PCDHA13: variants seen among roughly 807,000 people sequenced by gnomAD.
The protein encoded by PCDHA13 is protocadherin alpha 13, also known as protocadherin alpha-13.
Under a neutral mutation model 64.8 loss-of-function variants are expected in PCDHA13, and 54 were observed. The ratio of observed to expected loss-of-function variants is 0.83; its 90% CI spans 0.67 to 1.04. PCDHA13 has a LOEUF of 1.04. Among genes scored for constraint, PCDHA13 ranks in the 50% least tolerant of loss-of-function variants. The pLI, the probability that PCDHA13 is intolerant of heterozygous loss-of-function variation, is 0.00. For missense variants in PCDHA13, 1,248 were observed against 1,254.3 expected (o/e 0.99, Z 0.08); for synonymous variants, 587 against 564.4 (o/e 1.04, Z -0.57).
intron 1 of PCDHA13, among the ~76,000 whole-genome samples, chr5:140,921,801 A>T (rs1450383901): frequency 6.6e-6 from 1 of 152,286 alleles, no homozygotes. Context: ...ATAACACAAG[A>T]TAAGATACAT....
At chr5:140,935,402 A>T (rs1297077002) in intron 1 of PCDHA13, among the ~76,000 whole-genome samples, 2 of 152,212 alleles carry the variant, frequency 1.3e-5, no homozygotes, top group Non-Finnish European at 2.9e-5. Flanking sequence ...ACGGGACTCA[A>T]ACAATGGACT....
At chr5:140,970,006 A>G (rs2096376265) in intron 1 of PCDHA13, among the ~76,000 whole-genome samples, 1 of 152,158 alleles carries the variant, frequency 6.6e-6, no homozygotes, top group Non-Finnish European at 1.5e-5. Context: ...GAGGGAGTGG[A>G]TGATGGTGAG....
chr5:140,920,703 G>A (rs1435351032), intron 1 of PCDHA13, among the ~76,000 whole-genome samples: 1 of 152,060 alleles, frequency 6.6e-6, no homozygotes, highest in Non-Finnish European at 1.5e-5. Context: ...CATTAGCTTG[G>A]CATGGTGGTG....
At chr5:140,953,565 C>A (rs1433649283) in intron 1 of PCDHA13, among the ~76,000 whole-genome samples, 2 of 151,370 alleles carry the variant, frequency 1.3e-5, no homozygotes, top group African/African-American at 2.5e-5. Context: ...AGTTTTAGTG[C>A]CCTCCTCTCC....
chr5:140,883,792 G>C lies in PCDHA13; in HGVS notation c.1524G>C (p.Val508=), dbSNP rs1050179503. The change falls in exon 1 of 4, where the codon GTG becomes GTC. Residue 508 remains valine, a synonymous_variant. Coordinates refer to ENST00000289272, the MANE Select transcript of PCDHA13 (RefSeq NM_018904.3). ...RVGERALSSY[V]SVHAESGKVY... ...GCGAGCGTGCGCTGTCGAGCTACGT[G>C]TCGGTGCACGCGGAGAGCGGCAAGG... 7 of 1,612,560 alleles carry C rather than the reference G, an allele frequency of 4.3e-6. No individual in the cohort carries two copies. Among genetic ancestry groups the C allele is most frequent in the African/African-American group, 1.3e-5 (1 of 75,018 alleles).
chr5:140,920,722 C>T (rs2079784294), intron 1 of PCDHA13, among the ~76,000 whole-genome samples: 1 of 151,872 alleles, frequency 6.6e-6, no homozygotes, highest in Non-Finnish European at 1.5e-5. Context: ...TGTGCGCCTG[C>T]AGTCCCAGCT....
chr5:140,941,175 C>T (rs1344326389), intron 1 of PCDHA13, among the ~76,000 whole-genome samples: 1 of 145,416 alleles, frequency 6.9e-6, no homozygotes, highest in Admixed American at 6.8e-5. Context: ...CCATCTTGAA[C>T]ATCCTGCTTC....
rs782295059 is a variant in PCDHA13 at position 140,883,240 on chromosome 5, C to A, written c.972C>A (p.Asp324Glu). The A allele has an allele frequency of 3.7e-6, 6 of 1,613,998 alleles. No homozygotes were observed. The Admixed American group carries it at 1.0e-4, about 27-fold the overall frequency. ...ATGAAATATCCGTGGAGGCAGTTGA[C>A]AAAGGAAATATTCCAATGGCGGGTC... ...KLYEISVEAV[D>E]KGNIPMAGHC... Residue 324 changes from aspartate (D) to glutamate (E), a missense_variant, in exon 1 of 4, where the codon GAC (aspartate) becomes GAA (glutamate). Coordinates refer to ENST00000289272, the MANE Select transcript of PCDHA13 (RefSeq NM_018904.3).
chr5:140,968,652 A>G, intron 1 of PCDHA13: 1 of 1,614,118 alleles, frequency 6.2e-7, no homozygotes, highest in Non-Finnish European at 8.5e-7. Context: ...CAGACTTCTG[A>G]CCTGGACCTC....
rs147219331 is a variant in PCDHA13, at chr5:140,927,900, T to C, written c.2394+43238T>C. On this transcript the variant is annotated intron_variant, in intron 1 of 3. Transcript: ENST00000289272. Reference sequence around the variant, plus strand: ...TGGAGGTGACTGACGTGAACGATCATGCCCCCGAACTGGACTTCCTGACTC... The same window carrying C: ...TGGAGGTGACTGACGTGAACGATCACGCCCCCGAACTGGACTTCCTGACTC... 2,142 of 1,614,232 alleles carry C rather than the reference T, an allele frequency of 1.3e-3. 2 individuals are homozygous for C. The highest frequency in any genetic ancestry group is 1.7e-3 in the Non-Finnish European group (2,053 of 1,180,040).
rs1272799738 is a variant in PCDHA13 at position 140,969,033 on chromosome 5, T to C, written c.2395-9916T>C. On this transcript the variant is annotated intron_variant, in intron 1 of 3. Coordinates refer to ENST00000289272, the MANE Select transcript of PCDHA13 (RefSeq NM_018904.3). ...GTAAGGGAAAGGTCCCCTGCAGAAC[T>C]GTACAAACAAGCCAACAACAATATT... 5 of 1,614,028 alleles carry C rather than the reference T, an allele frequency of 3.1e-6. No individual in the cohort carries two copies. Among genetic ancestry groups the C allele is most frequent in the Admixed American group, 3.3e-5 (2 of 60,006 alleles).
chr5:140,988,524 T>C (rs1338675660), intron 3 of PCDHA13, among the ~76,000 whole-genome samples: 2 of 152,212 alleles, frequency 1.3e-5, no homozygotes, highest in East Asian at 3.8e-4. Context: ...AAGTCTCTGC[T>C]GGCTCCATCC....
intron 1 of PCDHA13, among the ~76,000 whole-genome samples, chr5:140,961,887 G>GT (rs35680913): frequency 0.069 from 9,857 of 143,718 alleles, 798 homozygotes; most frequent in African/African-American, 0.2. Flanking sequence ...ACTTACATCA[G>GT]TTTTTTTTTT....
chr5:140,988,201 A>C (rs2097286908), intron 3 of PCDHA13, among the ~76,000 whole-genome samples: 1 of 152,064 alleles, frequency 6.6e-6, no homozygotes, highest in Non-Finnish European at 1.5e-5. Context: ...GCATATCCTT[A>C]TTAGGAAAAA....
chr5:140,980,628 CAGA>C (rs1554242055), intron 2 of PCDHA13, among the ~76,000 whole-genome samples: 1 of 150,868 alleles, frequency 6.6e-6, no homozygotes, highest in Non-Finnish European at 1.5e-5. Flanking sequence ...GACTCTGTCT[CAGA>C]AGAATAAATA....
At chr5:140,980,149 A>G (rs1287895980) in intron 2 of PCDHA13, among the ~76,000 whole-genome samples, 1 of 152,184 alleles carries the variant, frequency 6.6e-6, no homozygotes, top group East Asian at 1.9e-4. Flanking sequence ...ATTCATGCAT[A>G]TACCAGAATA....
intron 1 of PCDHA13, among the ~76,000 whole-genome samples, chr5:140,943,423 T>C (rs782562871): frequency 5.3e-5 from 8 of 152,080 alleles, no homozygotes; most frequent in Non-Finnish European, 7.4e-5. Context: ...GGCAAGGGCT[T>C]TAATATGATA....
At chr5:140,915,290 C>G (rs1583944127) in intron 1 of PCDHA13, among the ~76,000 whole-genome samples, 1 of 152,254 alleles carries the variant, frequency 6.6e-6, no homozygotes, top group African/African-American at 2.4e-5. Flanking sequence ...ACTCTTTCTA[C>G]TTAAGATAAG....
chr5:140,952,608 C>T (rs2153696668), intron 1 of PCDHA13, among the ~76,000 whole-genome samples: 1 of 152,282 alleles, frequency 6.6e-6, no homozygotes, highest in Non-Finnish European at 1.5e-5. Flanking sequence ...TCTAAGCTCT[C>T]CCTCATCTTC....
Sources: allele counts gnomAD v4.1 joint callset (sites outside exome capture counted in the v4.1 genomes callset), GRCh38; gene constraint gnomAD v4.1.1; transcripts MANE v1.5; gene names NCBI Gene and HGNC (gene_info 2026-07-23, HGNC 2026-07-21).